NOD1: variants seen among roughly 807,000 people sequenced by gnomAD.
NOD1 encodes the protein nucleotide-binding oligomerization domain-containing protein 1.
A neutral mutation model predicts 81.2 loss-of-function variants in NOD1; 70 were observed. The observed-to-expected ratio is 0.86, with a 90% CI of 0.71 to 1.05. The LOEUF is 1.05. Ranked by LOEUF, NOD1 falls within the 50% of genes least tolerant of loss-of-function variation. NOD1 has a pLI of 0.00. For missense variants in NOD1, 1,233 were observed against 1,228.0 expected, an observed-to-expected ratio of 1.00 and a Z score of -0.06; for synonymous variants, 508 against 526.9, an observed-to-expected ratio of 0.96 and a Z score of 0.49.
chr7:30,458,028 G>A (rs1776615259), intron 3 of NOD1, among the ~76,000 whole-genome samples: 1 of 152,098 alleles, frequency 6.6e-6, no homozygotes, highest in African/African-American at 2.4e-5. Context: ...AGAGTTCCTG[G>A]GATTAGATTC....
At chr7:30,476,181 T>C (rs1788759369) in intron 1 of NOD1, among the ~76,000 whole-genome samples, 1 of 152,244 alleles carries the variant, frequency 6.6e-6, no homozygotes, top group Non-Finnish European at 1.5e-5. Flanking sequence ...TATCTTAGAT[T>C]TTGAACAAAT....
intron 6 of NOD1, among the ~76,000 whole-genome samples, chr7:30,450,425 A>C (rs746317660): frequency 3.9e-5 from 6 of 152,220 alleles, no homozygotes; most frequent in Non-Finnish European, 8.8e-5. Context: ...GCTTTTTAGA[A>C]ATGCATGAGT....
intron 7 of NOD1, chr7:30,448,002 T>C (rs1340851269): frequency 2.7e-6 from 1 of 367,982 alleles, no homozygotes; most frequent in East Asian, 5.1e-5. Context: ...TAAACAGGAT[T>C]CTAGCATTTA....
chr7:30,453,852 T>C (rs1318863828), intron 5 of NOD1, among the ~76,000 whole-genome samples: 2 of 152,244 alleles, frequency 1.3e-5, no homozygotes, highest in Non-Finnish European at 2.9e-5. Context: ...GCTTTGTCTA[T>C]AGATTTACCT....
chr7:30,451,753 G>A lies in NOD1; in HGVS notation c.1664C>T (p.Thr555Ile). The stretch of plus-strand genomic sequence containing the variant: ...GAGGAAGGGAGGATAGCAGGACGTG[G>A]TCGCTGCCCCCGCAGGGGGCATCCA... ...QEWMPPAGAA[T>I]TSCYPPFLPF... The change falls in exon 6 of 14, where the codon ACC becomes ATC. Residue 555 changes from threonine (T) to isoleucine (I), a missense_variant. Coordinates refer to ENST00000222823, the MANE Select transcript of NOD1 (RefSeq NM_006092.4). This position sits in a 1 kb window ranked among gnomAD's most constrained non-coding sequence, Gnocchi z 4.2. 6.2e-7 allele frequency: 1 copy of A among 1,613,760 alleles called. No individual in the cohort carries two copies. Among genetic ancestry groups the A allele is most frequent in the Non-Finnish European group, 8.5e-7 (1 of 1,180,016 alleles).
intron 8 of NOD1, 151 bp downstream of exon 8, chr7:30,446,816 C>T (rs1309439204): frequency 2.1e-5 from 13 of 632,732 alleles, no homozygotes; most frequent in Non-Finnish European, 2.8e-5. Flanking sequence ...CCTCACAGAT[C>T]ACACAGAGGT....
chr7:30,431,456 C>T (rs1251035833), intron 12 of NOD1, among the ~76,000 whole-genome samples: 1 of 152,190 alleles, frequency 6.6e-6, no homozygotes, highest in Non-Finnish European at 1.5e-5. Flanking sequence ...ACATATAAAT[C>T]AATGGACCAG....
At chr7:30,448,098 G>T in intron 7 of NOD1, 200 bp downstream of exon 7, 1 of 583,146 alleles carries the variant, frequency 1.7e-6, no homozygotes, top group Non-Finnish European at 3.1e-6. Context: ...CAGTTTTACA[G>T]GTGAGGAGGC....
chr7:30,453,170 C>A, intron 5 of NOD1, 130 bp from the exon 6 acceptor site: 2 of 925,090 alleles, frequency 2.2e-6, no homozygotes, highest in South Asian at 3.5e-5. Context: ...CTGAGGCCAG[C>A]GCAGCCACTC....
intron 13 of NOD1, among the ~76,000 whole-genome samples, chr7:30,427,455 A>C (rs370073726): frequency 6.6e-6 from 1 of 152,318 alleles, no homozygotes; most frequent in East Asian, 1.9e-4. Flanking sequence ...CAGCTCAACC[A>C]CAACCCTGTG....
At position 30,448,163 on chromosome 7, in the gene NOD1, T is replaced by C. The variant is rs5743352; in HGVS notation, c.2285+135A>G. 1.3e-4 allele frequency: 93 copies of C among 720,250 alleles called. No individual in the cohort carries two copies. In the East Asian group the frequency reaches 2.3e-3, roughly 18 times the overall value. The allele number at this position is 720,250 out of a possible 1,614,324, so 44.6% of individuals were successfully genotyped here. ...GAGCCACAAAGAGAACCCAGGACTC[T>C]CAACTCCTGGGCCAGCGCTCTTCCC... On this transcript the variant is annotated intron_variant, in intron 7 of 13. Coordinates refer to ENST00000222823, the MANE Select transcript of NOD1 (RefSeq NM_006092.4).
In NOD1 at chr7:30,457,127, C is replaced by G. The variant is rs199476262; in HGVS notation, c.-121-85G>C. The G allele has an allele frequency of 1.1e-4, 63 of 578,846 alleles. No individual in the cohort carries two copies. The East Asian group carries it at 1.7e-3, about 15-fold the overall frequency. The allele number at this position is 578,846 out of a possible 1,614,324, so 35.9% of individuals were successfully genotyped here. A position where few individuals can be genotyped will look rare whatever the true frequency, so the allele number is the denominator to read the frequency against. On this transcript the variant is annotated intron_variant, in intron 3 of 13. Transcript: ENST00000222823. ...TCCCACTGGTTGTGGGGTTTCTCTA[C>G]CTAGAGCAGGAAGGAACCATGCTTA...
chr7:30,461,070 A>G (rs1355200611), intron 1 of NOD1, among the ~76,000 whole-genome samples: 1 of 152,250 alleles, frequency 6.6e-6, no homozygotes, highest in Non-Finnish European at 1.5e-5. Context: ...ACTTTCTAAT[A>G]GCCACACTAA....
Position 30,429,391 on chromosome 7 carries a change from A to G in NOD1, c.2772T>C (p.Thr924=). The G allele has an allele frequency of 6.2e-7, 1 of 1,613,984 alleles. No homozygotes were observed. Among genetic ancestry groups the G allele is most frequent in the South Asian group, 1.1e-5 (1 of 91,078 alleles). The part of the protein sequence containing the change: ...AQLADALQSN[T]GITEICLNGN... ...GATCTTACCAAATCTCTGTTATGCC[A>G]GTGTTGCTCTGTAACGCATCTGCCA... The change falls in exon 13 of 14, where the codon ACT becomes ACC. Residue 924 remains threonine (T), a synonymous_variant. Transcript: ENST00000222823.
chr7:30,433,025 ATG>A, intron 12 of NOD1, 69 bp downstream of exon 12: 1 of 1,126,552 alleles, frequency 8.9e-7, no homozygotes, highest in African/African-American at 1.5e-5. Flanking sequence ...ATTTTACAGT[ATG>A]TAAATTTTAT....
chr7:30,445,483 G>A (rs562959197), intron 9 of NOD1, among the ~76,000 whole-genome samples: 1 of 151,948 alleles, frequency 6.6e-6, no homozygotes, highest in Non-Finnish European at 1.5e-5. Context: ...TCCTGGCGGG[G>A]CACGGTGGCT....
At chr7:30,466,533 G>A (rs765621162) in intron 1 of NOD1, among the ~76,000 whole-genome samples, 26 of 152,070 alleles carry the variant, frequency 1.7e-4, no homozygotes, top group Admixed American at 3.3e-4. Flanking sequence ...GGTGGTGCAC[G>A]CCTACTGTCC....
At chr7:30,469,135 T>A (rs1262758683) in intron 1 of NOD1, 34 of 985,364 alleles carry the variant, frequency 3.5e-5, no homozygotes, top group Non-Finnish European at 4.1e-5. Flanking sequence ...TTGTTTTTCT[T>A]GCTTGGTTTA....
At chr7:30,477,641 A>C (rs1260227117) in intron 1 of NOD1, among the ~76,000 whole-genome samples, 2 of 150,840 alleles carry the variant, frequency 1.3e-5, no homozygotes, top group South Asian at 4.2e-4. Context: ...CAGCCTCCCG[A>C]GTAGCTGGGA....
Sources: gnomAD v4.1 joint callset for allele counts (sites outside exome capture counted in the v4.1 genomes callset) on GRCh38, gnomAD v4.1.1 for gene constraint, Gnocchi (gnomAD v3.1) non-coding constraint, MANE v1.5 for transcripts, NCBI Gene and HGNC (gene_info 2026-07-23, HGNC 2026-07-21) for gene names.